The following FILIP1L variants were observed in gnomAD, a reference collection of about 807,000 sequenced individuals.
FILIP1L encodes the protein filamin A interacting protein 1 like.
In FILIP1L, 55 loss-of-function variants were observed where a neutral mutation model predicts 96.6. That is an observed-to-expected ratio of 0.57 (90% CI 0.46 to 0.71). The LOEUF (loss-of-function observed/expected upper bound fraction) is 0.71. Among genes scored for constraint, FILIP1L ranks in the 30% least tolerant of loss-of-function variants. The pLI is 0.00. For synonymous variants in FILIP1L, 467 were observed against 473.9 expected (o/e 0.99, Z 0.19); for missense variants, 1,304 against 1,321.2 (o/e 0.99, Z 0.20).
intron 1 of FILIP1L, among the ~76,000 whole-genome samples, chr3:99,965,961 A>G (rs1001863030): frequency 2.0e-5 from 3 of 152,008 alleles, no homozygotes; most frequent in Non-Finnish European, 4.4e-5. Flanking sequence ...CTCTCTCCCC[A>G]TATGTAAGCC....
At chr3:99,846,312 T>C (rs1455986173) in intron 5 of FILIP1L, among the ~76,000 whole-genome samples, 4 of 152,254 alleles carry the variant, frequency 2.6e-5, no homozygotes, top group Non-Finnish European at 5.9e-5. Context: ...ACTTTGTTCT[T>C]AAATTCTGAT....
chr3:99,930,746 G>A (rs772954502), intron 2 of FILIP1L, 23 bp downstream of exon 2: 1 of 1,608,930 alleles, frequency 6.2e-7, no homozygotes, highest in Admixed American at 1.7e-5. Context: ...AAGCATGATG[G>A]GGATAACTCC....
intron 4 of FILIP1L, among the ~76,000 whole-genome samples, chr3:99,921,056 T>G (rs1439312313): frequency 1.3e-5 from 2 of 152,186 alleles, no homozygotes; most frequent in Non-Finnish European, 1.5e-5. Context: ...GTTGCTAGTT[T>G]GGGAGTGGTT....
chr3:99,924,466 A>G lies in FILIP1L; in HGVS notation c.427-58T>C, dbSNP rs533426595. The G allele has an allele frequency of 7.2e-5, 108 of 1,498,810 alleles. No homozygotes were observed. The African/African-American group carries it at 1.3e-3, about 19-fold the overall frequency. 92.8% of individuals were successfully genotyped at this position (1,498,810 alleles called of 1,614,324 possible). On this transcript the variant is annotated intron_variant, in intron 3 of 5. Coordinates refer to ENST00000477258, the MANE Select transcript of FILIP1L (RefSeq NM_001387850.1). ...AATTGTTTATATACTGTTGTCTTTC[A>G]CTCTTTTAGAAATGTCCCTGTTTTG...
intron 1 of FILIP1L, among the ~76,000 whole-genome samples, chr3:100,106,349 T>A (rs1178623828): frequency 6.6e-6 from 1 of 152,148 alleles, no homozygotes. Context: ...TGATTCTACA[T>A]GTAACCTAAT....
At chr3:99,956,677 C>T (rs1049976939) in intron 1 of FILIP1L, among the ~76,000 whole-genome samples, 3 of 152,190 alleles carry the variant, frequency 2.0e-5, no homozygotes, top group African/African-American at 7.2e-5. Context: ...TCATAAGCAT[C>T]GCCTCTTAAA....
chr3:99,908,595 A>G (rs1298853412), intron 4 of FILIP1L, among the ~76,000 whole-genome samples: 1 of 152,188 alleles, frequency 6.6e-6, no homozygotes, highest in Non-Finnish European at 1.5e-5. Flanking sequence ...CTCTCCAGTT[A>G]CTAGCAGTGT....
chr3:99,891,554 G>A (rs1483295754), intron 4 of FILIP1L, among the ~76,000 whole-genome samples: 2 of 151,926 alleles, frequency 1.3e-5, no homozygotes, highest in East Asian at 1.9e-4. Context: ...TTTTTAATAT[G>A]TGTTGGATTT....
intron 4 of FILIP1L, among the ~76,000 whole-genome samples, chr3:99,908,700 A>T (rs1272149489): frequency 1.3e-5 from 2 of 152,234 alleles, no homozygotes; most frequent in African/African-American, 4.8e-5. Context: ...GGTTGTTAGG[A>T]GGATTAAATG....
chr3:99,958,830 T>A (rs956738175), intron 1 of FILIP1L, among the ~76,000 whole-genome samples: 1 of 152,152 alleles, frequency 6.6e-6, no homozygotes, highest in Admixed American at 6.5e-5. Flanking sequence ...CAAAATGAAC[T>A]GGAGATAGCT....
chr3:99,921,657 G>T (rs1489988516), intron 4 of FILIP1L, among the ~76,000 whole-genome samples: 1 of 152,096 alleles, frequency 6.6e-6, no homozygotes, highest in Non-Finnish European at 1.5e-5. Context: ...CCTACTTCTT[G>T]TTAATGGCAT....
intron 1 of FILIP1L, among the ~76,000 whole-genome samples, chr3:100,059,285 A>G (rs1257941126): frequency 6.6e-6 from 1 of 152,216 alleles, no homozygotes; most frequent in Non-Finnish European, 1.5e-5. Context: ...GGGCTTTATA[A>G]ATCTCTGGCA....
Position 100,060,498 on chromosome 3 carries a change from G to GA in FILIP1L, c.-11+53554dup, listed in dbSNP as rs112558785. Among the ~76,000 whole-genome samples the GA allele has an allele frequency of 1.7e-3, 248 of 148,054 alleles. 1 individual carries two copies. Among genetic ancestry groups the GA allele is most frequent in the African/African-American group, 5.4e-3 (219 of 40,374 alleles). The stretch of plus-strand genomic sequence containing the variant: ...ACATTAGAATAGCATCTTCACCCAA[G>GA]AAAAAAAAAATACATAAAAATGCTT... On this transcript the variant is annotated intron_variant, in intron 1 of 5. Coordinates refer to ENST00000477258, the MANE Select transcript of FILIP1L (RefSeq NM_001387850.1).
intron 1 of FILIP1L, among the ~76,000 whole-genome samples, chr3:99,933,819 A>G (rs905122878): frequency 2.0e-5 from 3 of 152,204 alleles, no homozygotes; most frequent in Admixed American, 6.5e-5. Context: ...CATAATGGGC[A>G]TGCATTAGGG....
chr3:99,932,765 C>T (rs540212503), intron 1 of FILIP1L, among the ~76,000 whole-genome samples: 48 of 152,288 alleles, frequency 3.2e-4, no homozygotes, highest in African/African-American at 1.2e-3. Context: ...GTGGCACACA[C>T]CTGTAATCCC....
chr3:99,904,146 A>T (rs985824807), intron 4 of FILIP1L, among the ~76,000 whole-genome samples: 1 of 152,230 alleles, frequency 6.6e-6, no homozygotes, highest in Non-Finnish European at 1.5e-5. Flanking sequence ...AGTGAGTGTG[A>T]TGAATGTTTT....
At chr3:99,938,052 T>A (rs1400098275) in intron 1 of FILIP1L, among the ~76,000 whole-genome samples, 4 of 119,134 alleles carry the variant, frequency 3.4e-5, no homozygotes, top group Non-Finnish European at 5.3e-5. Flanking sequence ...GCTCAGGAAG[T>A]GTGTGTGTGT....
Position 99,924,288 on chromosome 3 carries a change from T to C in FILIP1L, c.547A>G (p.Lys183Glu), listed in dbSNP as rs200560124. Residue 183 changes from lysine (K) to glutamate (E), a missense_variant, in exon 4 of 6, where the codon AAA (lysine) becomes GAA (glutamate). Coordinates refer to ENST00000477258, the MANE Select transcript of FILIP1L (RefSeq NM_001387850.1). Reference protein sequence around the residue: ...LELEEEKRKHKEYMEKSDEFI... With the variant: ...LELEEEKRKHEEYMEKSDEFI... ...TCATCACTCTTCTCCATGTATTCTT[T>C]ATGTTTTCTCTTTTCTTCCTCCAAC... is the stretch of plus-strand genomic sequence containing the variant. 707 of 1,614,140 alleles carry C rather than the reference T, an allele frequency of 4.4e-4. No homozygotes were observed. Among genetic ancestry groups the C allele is most frequent in the Non-Finnish European group, 5.5e-4 (646 of 1,180,000 alleles).
intron 1 of FILIP1L, among the ~76,000 whole-genome samples, chr3:99,950,414 T>A (rs775843318): frequency 9.2e-5 from 14 of 152,184 alleles, no homozygotes; most frequent in Admixed American, 2.0e-4. Context: ...GTTAAGTAAG[T>A]TGCCCAAAGC....
Sources: allele counts gnomAD v4.1 joint callset (sites outside exome capture counted in the v4.1 genomes callset), GRCh38; gene constraint gnomAD v4.1.1; transcripts MANE v1.5; gene names NCBI Gene and HGNC (gene_info 2026-07-23, HGNC 2026-07-21).